The following SMC6 variants were observed in gnomAD, a reference collection of about 807,000 sequenced individuals.
SMC6 encodes structural maintenance of chromosomes protein 6.
Under a neutral mutation model 142.2 loss-of-function variants are expected in SMC6, and 79 were observed. That is an observed-to-expected ratio of 0.56 (90% confidence interval 0.46 to 0.67). The LOEUF is 0.67. SMC6 is among the 30% of genes least tolerant of loss of function. The pLI is 0.00. For synonymous variants in SMC6, 411 were observed against 412.4 expected (o/e 1.00, Z 0.04); for missense variants, 1,072 against 1,284.0 (o/e 0.83, Z 2.52).
rs757825250 is a variant in SMC6, at chr2:17,731,072, A to T, written c.543+6T>A. On this transcript the variant is annotated splice_donor_region_variant and intron_variant, in intron 7 of 27. Transcript: ENST00000448223. ...AATTAATCTGAAACACAAATTCACC[A>T]ATTACCTGGATGTTAAAATGATCAA... 2 of 1,608,086 alleles carry T rather than the reference A, an allele frequency of 1.2e-6. No individual in the cohort carries two copies. The highest frequency in any genetic ancestry group is 1.7e-6 in the Non-Finnish European group (2 of 1,175,782).
Position 17,716,220 on chromosome 2 carries a change from C to T in SMC6, c.1391G>A (p.Arg464Lys). ...ACTATCTTTCAATTCTTTCAGTTGCCTCTGATTGTAGCTCAGTGCATGCTT... is the reference window on the plus strand; with the variant it reads ...ACTATCTTTCAATTCTTTCAGTTGCTTCTGATTGTAGCTCAGTGCATGCTT... ...DVKHALSYNQ[R>K]QLKELKDSKT... Residue 464 changes from arginine (R) to lysine (K), a missense_variant, in exon 15 of 28, where the codon AGG (arginine) becomes AAG (lysine). Physicochemically the swap from Arg to Lys is conservative, Grantham distance 26. Around this residue, in one of 3 missense-constraint regions of SMC6, gnomAD observed 994 missense variants for 1,153.2 expected, o/e 0.86. Coordinates refer to ENST00000448223, the MANE Select transcript of SMC6 (RefSeq NM_001142286.2). 1.2e-6 allele frequency: 2 copies of T among 1,611,728 alleles called. No homozygotes were observed. The highest frequency in any genetic ancestry group is 8.5e-7 in the Non-Finnish European group (1 of 1,179,344).
chr2:17,735,202 G>A (rs148582123), intron 5 of SMC6, among the ~76,000 whole-genome samples: 370 of 152,188 alleles, frequency 2.4e-3, no homozygotes, highest in African/African-American at 7.4e-3. Context: ...CACTGATATG[G>A]TCTGTGCTGA....
At chr2:17,743,032 T>C (rs569645468) in intron 3 of SMC6, among the ~76,000 whole-genome samples, 5 of 152,320 alleles carry the variant, frequency 3.3e-5, no homozygotes, top group African/African-American at 9.6e-5. Context: ...AGACAAAATG[T>C]AGCCTCTTGG....
At chr2:17,703,715 CTTCCT>C (rs1178385347) in intron 18 of SMC6, among the ~76,000 whole-genome samples, 1 of 151,970 alleles carries the variant, frequency 6.6e-6, no homozygotes, top group African/African-American at 2.4e-5. Flanking sequence ...TATATTTTCT[CTTCCT>C]TATGATTTTA....
chr2:17,703,262 C>T lies in SMC6; in HGVS notation c.2037G>A (p.Thr679=), dbSNP rs749664188. The change falls in exon 19 of 28, where the codon ACG becomes ACA. Residue 679 remains threonine (T), a synonymous_variant. Transcript: ENST00000448223. ...SDLENEVENK[T]AQILNLQQHL... ...GTTGCTGAAGATTTAATATCTGGGC[C>T]GTCTTATTTTCAACCTCATTCTCCA... 20 of 1,603,710 alleles carry T rather than the reference C, an allele frequency of 1.2e-5. No homozygotes were observed. The highest frequency in any genetic ancestry group is 2.2e-5 in the South Asian group (2 of 89,204).
chr2:17,719,879 C>T (rs1248683670), intron 11 of SMC6, among the ~76,000 whole-genome samples: 1 of 152,106 alleles, frequency 6.6e-6, no homozygotes, highest in Non-Finnish European at 1.5e-5. Flanking sequence ...GATCAATCTG[C>T]TTATCTTGGA....
chr2:17,738,342 T>G lies in SMC6; in HGVS notation c.239-16A>C. ...CTCTTCCCACCTAAAGAAACAGATG[T>G]TGAAGAAATCACATTCATTAAAAGA... On this transcript the variant is annotated splice_polypyrimidine_tract_variant and intron_variant, in intron 4 of 27. Coordinates refer to ENST00000448223, the MANE Select transcript of SMC6 (RefSeq NM_001142286.2). 6.4e-7 allele frequency: 1 copy of G among 1,572,554 alleles called. No homozygotes were observed. The highest frequency in any genetic ancestry group is 8.6e-7 in the Non-Finnish European group (1 of 1,156,078).
At chr2:17,674,506 T>C (rs1213556797) in intron 25 of SMC6, among the ~76,000 whole-genome samples, 1 of 152,188 alleles carries the variant, frequency 6.6e-6, no homozygotes, top group African/African-American at 2.4e-5. Context: ...CAAAACAATA[T>C]ACACTCTGTG....
At chr2:17,737,769 T>G (rs1670226898) in intron 5 of SMC6, among the ~76,000 whole-genome samples, 1 of 152,144 alleles carries the variant, frequency 6.6e-6, no homozygotes, top group African/African-American at 2.4e-5. Context: ...AAAGTAGAAT[T>G]CTTATTTTGG....
chr2:17,696,515 G>A, intron 21 of SMC6, 89 bp from the exon 22 acceptor site: 5 of 1,357,170 alleles, frequency 3.7e-6, no homozygotes, highest in Middle Eastern at 1.8e-4. Context: ...AAAGTGGCTA[G>A]GATTATGCTG....
At chr2:17,736,707 T>TAA (rs746795932) in intron 5 of SMC6, among the ~76,000 whole-genome samples, 12 of 130,162 alleles carry the variant, frequency 9.2e-5, no homozygotes, top group East Asian at 6.6e-4. Context: ...CCTTCGCTAC[T>TAA]AAAAAAAAAA....
chr2:17,680,734 G>T (rs1489475228), intron 24 of SMC6: 1 of 152,114 alleles, frequency 6.6e-6, no homozygotes, highest in Non-Finnish European at 1.5e-5. Flanking sequence ...AAAATATTCA[G>T]TAATCCATGA....
At chr2:17,708,313 T>TA (rs1668653076) in intron 17 of SMC6, among the ~76,000 whole-genome samples, 4 of 151,996 alleles carry the variant, frequency 2.6e-5, no homozygotes, top group Non-Finnish European at 4.4e-5. Flanking sequence ...ATAATACAGA[T>TA]ATCTGTAAGG....
In SMC6 at chr2:17,699,125, T is replaced by C. The variant is rs1668149437; in HGVS notation, c.2394+1083A>G. Among the ~76,000 whole-genome samples the C allele has an allele frequency of 1.3e-5, 2 of 152,130 alleles. 1 individual carries two copies. Among genetic ancestry groups the C allele is most frequent in the South Asian group, 4.1e-4 (2 of 4,834 alleles). Reference sequence around the variant, plus strand: ...TTTCCTATTTTTATCTCATTTTTTTTCCTTCCTGATGTTCCAAGATTCCCC... The same window carrying C: ...TTTCCTATTTTTATCTCATTTTTTTCCCTTCCTGATGTTCCAAGATTCCCC... On this transcript the variant is annotated intron_variant, in intron 21 of 27. Coordinates refer to ENST00000448223, the MANE Select transcript of SMC6 (RefSeq NM_001142286.2).
intron 5 of SMC6, among the ~76,000 whole-genome samples, chr2:17,733,085 A>G (rs1332125647): frequency 1.3e-5 from 2 of 152,252 alleles, no homozygotes; most frequent in Non-Finnish European, 2.9e-5. Context: ...CCCTTAATAT[A>G]AAAGTGTTTT....
intron 23 of SMC6, 141 bp from the exon 24 acceptor site, chr2:17,683,904 T>C: frequency 1.3e-6 from 1 of 745,864 alleles, no homozygotes; most frequent in Non-Finnish European, 2.3e-6. Context: ...ATTTCATAAA[T>C]TTCCAGGCAA....
chr2:17,742,725 C>T (rs567781073), intron 3 of SMC6, among the ~76,000 whole-genome samples: 1 of 152,238 alleles, frequency 6.6e-6, no homozygotes, highest in African/African-American at 2.4e-5. Flanking sequence ...TCATGGTTGA[C>T]GAATTTTTAA....
At chr2:17,713,573 CTT>C (rs1668935867) in intron 16 of SMC6, 1 of 469,364 alleles carries the variant, frequency 2.1e-6, no homozygotes. Context: ...GGACTATTCT[CTT>C]TGGTCCTAAA....
intron 3 of SMC6, among the ~76,000 whole-genome samples, chr2:17,743,096 C>A (rs1463662341): frequency 6.6e-6 from 1 of 152,160 alleles, no homozygotes; most frequent in South Asian, 2.1e-4. Context: ...ATCGGTAGTT[C>A]GCTCCTTTTT....
Sources: allele counts gnomAD v4.1 joint callset (sites outside exome capture counted in the v4.1 genomes callset), GRCh38; gene constraint gnomAD v4.1.1; regional missense constraint gnomAD v4.1.1; transcripts MANE v1.5; gene names NCBI Gene and HGNC (gene_info 2026-07-23, HGNC 2026-07-21).